The following MPRIP variants were observed in gnomAD, a reference collection of about 807,000 sequenced individuals.
MPRIP encodes myosin phosphatase Rho-interacting protein.
A neutral mutation model predicts 234.9 loss-of-function variants in MPRIP; 59 were observed. The ratio of observed to expected loss-of-function variants is 0.25; its 90% confidence interval spans 0.20 to 0.31. The LOEUF is 0.31. Among genes scored for constraint, MPRIP ranks in the 10% least tolerant of loss-of-function variants. MPRIP has a pLI of 1.00. For synonymous variants in MPRIP, 1,144 were observed against 1,263.9 expected (o/e 0.91, Z 2.01); for missense variants, 2,436 against 3,071.0 (o/e 0.79, Z 4.89).
intron 9 of MPRIP, 79 bp downstream of exon 9, chr17:17,143,748 A>G (rs867405467): frequency 8.9e-6 from 8 of 903,916 alleles, no homozygotes; most frequent in Non-Finnish European, 8.2e-6. Flanking sequence ...GTTTCTGTCT[A>G]TGCGTCCATG....
In MPRIP at chr17:17,156,580, G is replaced by A. The variant is rs562360622; in HGVS notation, c.1830-1852G>A. Among the ~76,000 whole-genome samples, 4 of 152,364 alleles carry A rather than the reference G, an allele frequency of 2.6e-5. 1 individual carries two copies. Among genetic ancestry groups the A allele is most frequent in the Admixed American group, 2.6e-4 (4 of 15,308 alleles). ...CATCGCCATCTTGAAGTCCTGGGGT[G>A]GGGAAGTTGCAGGGTGCTTCCCGCC... On this transcript the variant is annotated intron_variant, in intron 13 of 23. Coordinates refer to ENST00000651222, the MANE Select transcript of MPRIP (RefSeq NM_001364716.4).
At position 17,143,600 on chromosome 17, in the gene MPRIP, G is replaced by A. The variant is rs778557697; in HGVS notation, c.1434G>A (p.Ser478=). 1.4e-5 allele frequency: 23 copies of A among 1,603,440 alleles called. No homozygotes were observed. Among genetic ancestry groups the A allele is most frequent in the African/African-American group, 4.0e-5 (3 of 74,492 alleles). ...EAPPAPLPDA[S]ASPLSPHRRA... ...CCCCAGCTCCTCTCCCAGACGCCTC[G>A]GCTTCCCCCCTGTCTCCACACCGAA... Residue 478 remains serine (S), a synonymous_variant, in exon 9 of 24, where the codon TCG becomes TCA. Transcript: ENST00000651222.
chr17:17,089,227 A>G (rs2144129324), intron 3 of MPRIP, among the ~76,000 whole-genome samples: 1 of 152,332 alleles, frequency 6.6e-6, no homozygotes, highest in Non-Finnish European at 1.5e-5. Flanking sequence ...GGAGGTTGAG[A>G]GTCCAAAATG....
In MPRIP at chr17:17,150,944, C is replaced by CT. The variant is rs577203418; in HGVS notation, c.1719+712dup. 1.1e-4 allele frequency among the ~76,000 whole-genome samples: 16 copies of CT among 152,062 alleles called. No homozygotes were observed. In the East Asian group the frequency reaches 2.1e-3, roughly 20 times the overall value. ...CACTGCAGGCTCGAAATCCTAGACT[C>CT]TAACGATCCTTCTACCTCAGCCTCC... On this transcript the variant is annotated intron_variant, in intron 12 of 23. Coordinates refer to ENST00000651222, the MANE Select transcript of MPRIP (RefSeq NM_001364716.4).
rs2046278781 is a variant in MPRIP at position 17,177,391 on chromosome 17, A to G, written c.7099A>G (p.Ser2367Gly). 3 of 1,613,672 alleles carry G rather than the reference A, an allele frequency of 1.9e-6. No homozygotes were observed. The highest frequency in any genetic ancestry group is 1.3e-5 in the African/African-American group (1 of 75,072). Residue 2367 changes from serine to glycine, a missense_variant, in exon 22 of 24, where the codon AGT (serine) becomes GGT (glycine). Transcript: ENST00000651222. ...AGCACTGGGGGAGAAGTCCCCTGAC[A>G]GTGCCACGGTGTCCGGATATGGTGC... ...TEALGEKSPD[S>G]ATVSGYDIMK...
In MPRIP at chr17:17,073,821, T is replaced by G. The variant is rs538229679; in HGVS notation, c.124-1889T>G. Among the ~76,000 whole-genome samples the G allele has an allele frequency of 5.3e-5, 8 of 152,292 alleles. No homozygotes were observed. The South Asian group carries it at 1.7e-3, about 32-fold the overall frequency. On this transcript the variant is annotated intron_variant, in intron 1 of 23. Coordinates refer to ENST00000651222, the MANE Select transcript of MPRIP (RefSeq NM_001364716.4). ...ACCTCTCCTCGCCTTTGCTTCTGCC[T>G]TCCCAGGTGGGATTTCCACCACATA...
rs1488435279 is a variant in MPRIP, at chr17:17,166,092, C to T, written c.4501C>T (p.Arg1501Cys). The T allele has an allele frequency of 1.9e-5, 25 of 1,298,902 alleles. No individual in the cohort carries two copies. The highest frequency in any genetic ancestry group is 3.7e-5 in the South Asian group (3 of 80,534). The allele number at this position is 1,298,902 out of a possible 1,614,324, so 80.5% of individuals were successfully genotyped here. A position where few individuals can be genotyped will look rare whatever the true frequency, so the allele number is the denominator to read the frequency against. ...CAGCCAGGAGGATGAGCAGGACGCA[C>T]GCGCAGCCTCCCTGGCCAGTGTGGA... ...RASQEDEQDA[R>C]AASLASVESA... The change falls in exon 16 of 24, where the codon CGC (arginine) becomes TGC (cysteine). Residue 1501 changes from arginine (R) to cysteine (C), a missense_variant. Physicochemically the swap from Arg to Cys is radical, Grantham distance 180. This residue lies in a region of MPRIP where 1,998 missense variants were observed against 2,520.3 expected (regional missense o/e 0.79). Transcript: ENST00000651222. The surrounding 1 kb of genome is among the most constrained non-coding windows in gnomAD (Gnocchi z 4.4).
At chr17:17,075,808 T>A in intron 2 of MPRIP, 21 bp downstream of exon 2, 1 of 1,612,728 alleles carries the variant, frequency 6.2e-7, no homozygotes, top group South Asian at 1.1e-5. Context: ...CAGAGCCAAC[T>A]CTCAGGGAGG....
intron 18 of MPRIP, 110 bp from the exon 19 acceptor site, chr17:17,173,806 T>C (rs756165883): frequency 1.6e-6 from 2 of 1,268,940 alleles, no homozygotes; most frequent in Admixed American, 1.8e-5. Flanking sequence ...GACAACAGAC[T>C]GTGTGGGCCT....
At chr17:17,131,588 C>T in intron 4 of MPRIP, 29 bp from the exon 5 acceptor site, 3 of 1,605,346 alleles carry the variant, frequency 1.9e-6, no homozygotes, top group Non-Finnish European at 2.6e-6. Context: ...AGGGTCTTAC[C>T]TGGTACTTGT....
Position 17,186,364 on chromosome 17 carries a change from G to C in MPRIP, c.*1470G>C, listed in dbSNP as rs2046475045. 6.6e-6 allele frequency: 1 copy of C among 152,172 alleles called. No individual in the cohort carries two copies. The highest frequency in any genetic ancestry group is 1.5e-5 in the Non-Finnish European group (1 of 68,040). The allele number at this position is 152,172 out of a possible 1,614,324, so 9.4% of individuals were successfully genotyped here. ...GGCCCCGCCCCCAATGTGCAGAAGGGCCGGGAGCAAGGCCTGGAGTTTTCA... is the reference window on the plus strand; with the variant it reads ...GGCCCCGCCCCCAATGTGCAGAAGGCCCGGGAGCAAGGCCTGGAGTTTTCA... On this transcript the variant is annotated 3_prime_UTR_variant, in exon 24 of 24. Coordinates refer to ENST00000651222, the MANE Select transcript of MPRIP (RefSeq NM_001364716.4).
rs2046611641 is a variant in MPRIP, at chr17:17,192,436, G to GGGGC, written c.*7545_*7546insCGGG. ...GCTGCTGCTTTTTTTTTGGGGGGGG[G>GGGGC]GGGGGGAGGGGCGTCTTGAGGCTTT... On this transcript the variant is annotated 3_prime_UTR_variant, in exon 24 of 24. Coordinates refer to ENST00000651222, the MANE Select transcript of MPRIP (RefSeq NM_001364716.4). 1 of 124,172 alleles carries GGGGC rather than the reference G, an allele frequency of 8.1e-6. No homozygotes were observed. Among genetic ancestry groups the GGGGC allele is most frequent in the African/African-American group, 2.9e-5 (1 of 34,648 alleles). The allele number at this position is 124,172 out of a possible 1,614,324, so 7.7% of individuals were successfully genotyped here. A position where few individuals can be genotyped will look rare whatever the true frequency, so the allele number is the denominator to read the frequency against.
At chr17:17,074,679 T>C (rs1411471629) in intron 1 of MPRIP, among the ~76,000 whole-genome samples, 1 of 152,214 alleles carries the variant, frequency 6.6e-6, no homozygotes, top group Non-Finnish European at 1.5e-5. Flanking sequence ...ACTAATCTGC[T>C]TTCTGTGCTG....
intron 1 of MPRIP, among the ~76,000 whole-genome samples, chr17:17,060,815 T>G (rs1198366640): frequency 6.6e-6 from 1 of 152,218 alleles, no homozygotes; most frequent in East Asian, 1.9e-4. Context: ...GGCTGGCTGT[T>G]TGTGGAAGCC....
At position 17,166,367 on chromosome 17, in the gene MPRIP, A is replaced by C. The variant is rs1271540202; in HGVS notation, c.4776A>C (p.Arg1592=). 7.7e-6 allele frequency: 10 copies of C among 1,304,454 alleles called. No individual in the cohort carries two copies. The highest frequency in any genetic ancestry group is 1.0e-5 in the Non-Finnish European group (10 of 989,040). The allele number at this position is 1,304,454 out of a possible 1,614,324, so 80.8% of individuals were successfully genotyped here. A position where few individuals can be genotyped will look rare whatever the true frequency, so the allele number is the denominator to read the frequency against. The change falls in exon 16 of 24, where the codon CGA becomes CGC. Residue 1592 remains arginine (R), a synonymous_variant. Coordinates refer to ENST00000651222, the MANE Select transcript of MPRIP (RefSeq NM_001364716.4). This position sits in a 1 kb window ranked among gnomAD's most constrained non-coding sequence, Gnocchi z 4.4. ...SLKNTTSDVS[R]MLHEISWSGQ... ...AGAACACAACATCAGATGTCTCCCG[A>C]ATGCTCCATGAGATTTCTTGGTCAG...
At chr17:17,169,274 T>G (rs530568236) in intron 16 of MPRIP, among the ~76,000 whole-genome samples, 1 of 152,280 alleles carries the variant, frequency 6.6e-6, no homozygotes, top group East Asian at 1.9e-4. Flanking sequence ...TGACCCCAAA[T>G]ACGCTTGCTA....
Position 17,158,649 on chromosome 17 carries a change from C to G in MPRIP, c.2047C>G (p.Pro683Ala). The part of the protein sequence containing the change: ...LAQERVGGVG[P>A]ADTHEPLRPE... The stretch of plus-strand genomic sequence containing the variant: ...TCAGGAGCGGGTGGGCGGCGTGGGG[C>G]CTGCTGACACCCACGAGCCCCTGCG... Residue 683 changes from proline (P) to alanine (A), a missense_variant, in exon 14 of 24, where the codon CCT becomes GCT. Coordinates refer to ENST00000651222, the MANE Select transcript of MPRIP (RefSeq NM_001364716.4). The G allele has an allele frequency of 6.2e-7, 1 of 1,603,146 alleles. No individual in the cohort carries two copies. The highest frequency in any genetic ancestry group is 2.2e-5 in the East Asian group (1 of 44,518).
Position 17,161,274 on chromosome 17 carries a change from T to C in MPRIP, c.2435T>C (p.Leu812Pro). 1 of 1,603,184 alleles carries C rather than the reference T, an allele frequency of 6.2e-7. No homozygotes were observed. The highest frequency in any genetic ancestry group is 8.5e-7 in the Non-Finnish European group (1 of 1,172,950). The change falls in exon 15 of 24, where the codon CTG becomes CCG. Residue 812 changes from leucine to proline, a missense_variant. By Grantham distance (98) the Leu-to-Pro change is moderately conservative. Transcript: ENST00000651222. ...AGCCAGAAGGAGGCCTCAGACCTTCTGGAGCAGAACCGGCTCCTGCAGGAC... is the reference window on the plus strand; with the variant it reads ...AGCCAGAAGGAGGCCTCAGACCTTCCGGAGCAGAACCGGCTCCTGCAGGAC... ...EQSQKEASDL[L>P]EQNRLLQDQL...
At chr17:17,110,000 C>T (rs1028402025) in intron 3 of MPRIP, among the ~76,000 whole-genome samples, 11 of 152,124 alleles carry the variant, frequency 7.2e-5, no homozygotes, top group African/African-American at 2.7e-4. Context: ...ATGTGTTCCC[C>T]AGTGTTGGAG....
Sources: allele counts gnomAD v4.1 joint callset (sites outside exome capture counted in the v4.1 genomes callset), GRCh38; gene constraint gnomAD v4.1.1; regional missense constraint gnomAD v4.1.1; non-coding constraint Gnocchi (gnomAD v3.1); transcripts MANE v1.5; gene names NCBI Gene and HGNC (gene_info 2026-07-23, HGNC 2026-07-21).